The following SMCO2 variants were observed in gnomAD, a reference collection of about 807,000 sequenced individuals.
SMCO2 encodes the protein single-pass membrane and coiled-coil domain-containing protein 2.
In SMCO2, 25 loss-of-function variants were observed where a neutral mutation model predicts 29.5. That is an observed-to-expected ratio of 0.85 (90% CI 0.62 to 1.18). The LOEUF (loss-of-function observed/expected upper bound fraction) is 1.18, where lower values mean the gene tolerates loss of function less well. Ranked by LOEUF, SMCO2 falls within the 50% of genes most tolerant of loss-of-function variation. The pLI, the probability that SMCO2 is intolerant of heterozygous loss-of-function variation, is 0.00. For synonymous variants in SMCO2, 117 were observed against 123.3 expected (o/e 0.95, Z 0.34); for missense variants, 348 against 344.5 (o/e 1.01, Z -0.08).
chr12:27,485,736 G>A (rs763646041), intron 4 of SMCO2, among the ~76,000 whole-genome samples: 2 of 152,018 alleles, frequency 1.3e-5, no homozygotes, highest in East Asian at 3.8e-4. Flanking sequence ...TGTGAGCCAC[G>A]GCACTCAGCC....
chr12:27,472,409 C>T (rs1031701536), intron 2 of SMCO2, among the ~76,000 whole-genome samples: 10 of 152,108 alleles, frequency 6.6e-5, no homozygotes, highest in Non-Finnish European at 1.2e-4. Flanking sequence ...CTCCTCTCTG[C>T]CCATTTAAAC....
At chr12:27,467,216 T>A (rs1330455997) in intron 1 of SMCO2, among the ~76,000 whole-genome samples, 1 of 152,162 alleles carries the variant, frequency 6.6e-6, no homozygotes, top group Non-Finnish European at 1.5e-5. Context: ...TAACTGAAAC[T>A]GATGCTTCTC....
the SMCO2 span, among the ~76,000 whole-genome samples, chr12:27,447,593 T>C: frequency 1.3e-5 from 2 of 151,758 alleles, no homozygotes; most frequent in Admixed American, 6.6e-5. Context: ...CTTGTCTCTA[T>C]AAAAAATACA....
At chr12:27,454,561 T>C in the SMCO2 span, among the ~76,000 whole-genome samples, 1 of 152,220 alleles carries the variant, frequency 6.6e-6, no homozygotes, top group Non-Finnish European at 1.5e-5. Flanking sequence ...TTTTCTATAT[T>C]TTGGATTGGC....
intron 7 of SMCO2, among the ~76,000 whole-genome samples, chr12:27,501,531 C>T (rs1185582183): frequency 6.7e-6 from 1 of 149,952 alleles, no homozygotes; most frequent in Admixed American, 6.6e-5. Flanking sequence ...GCTCTGAATT[C>T]CCTTTATCAC....
chr12:27,500,870 G>GAGTT (rs1943067167), intron 7 of SMCO2, among the ~76,000 whole-genome samples: 1 of 150,690 alleles, frequency 6.6e-6, no homozygotes, highest in South Asian at 2.1e-4. Flanking sequence ...TAAAACCACT[G>GAGTT]AGTTAGGTCA....
At chr12:27,474,334 A>C (rs1949565836) in intron 3 of SMCO2, among the ~76,000 whole-genome samples, 1 of 152,204 alleles carries the variant, frequency 6.6e-6, no homozygotes, top group South Asian at 2.1e-4. Flanking sequence ...ATTGTCCCCC[A>C]AATGTCTTTT....
chr12:27,443,332 G>C, the SMCO2 span, among the ~76,000 whole-genome samples: 6 of 151,666 alleles, frequency 4.0e-5, no homozygotes, highest in East Asian at 1.9e-4. Flanking sequence ...TGATAAAAAG[G>C]CTCCTCAAAA....
chr12:27,464,838 G>A (rs930454134), upstream of SMCO2, among the ~76,000 whole-genome samples: 6 of 149,708 alleles, frequency 4.0e-5, no homozygotes, highest in Admixed American at 6.7e-5. Context: ...TGGCTAACAC[G>A]GTGAAACCCC....
Position 27,470,749 on chromosome 12 carries a change from GAA to G in SMCO2, c.119_120del (p.Glu40GlyfsTer22). ...CTTTTTCCAAAAGCTCAATGTGACT[GAA>G]GGTGCAATGCAGGAGTAAGTCAGAA... On this transcript the variant is annotated frameshift_variant, in exon 2 of 8. Transcript: ENST00000298876. LOFTEE classifies it high-confidence loss of function. The G allele has an allele frequency of 1.3e-6, 2 of 1,550,890 alleles. No individual in the cohort carries two copies. The highest frequency in any genetic ancestry group is 1.7e-6 in the Non-Finnish European group (2 of 1,146,584).
the SMCO2 span, among the ~76,000 whole-genome samples, chr12:27,434,831 G>A: frequency 3.3e-5 from 5 of 152,114 alleles, no homozygotes; most frequent in Admixed American, 2.6e-4. Context: ...AGAGATGGAA[G>A]GGGTGTCCCA....
intron 5 of SMCO2, among the ~76,000 whole-genome samples, chr12:27,488,939 C>A (rs1949711980): frequency 6.6e-6 from 1 of 152,118 alleles, no homozygotes; most frequent in African/African-American, 2.4e-5. Context: ...GTCTTGGATG[C>A]CCCATGAAGA....
At chr12:27,447,358 C>A in the SMCO2 span, among the ~76,000 whole-genome samples, 1 of 152,172 alleles carries the variant, frequency 6.6e-6, no homozygotes, top group Non-Finnish European at 1.5e-5. Flanking sequence ...GCTGTCACCA[C>A]CGACACACCT....
Position 27,479,046 on chromosome 12 carries a change from T to A in SMCO2, c.362+4133T>A, listed in dbSNP as rs866441380. ...GCAGTAGGGGTGGGTTGAACAGGACTGTTGTCAGGCCCCTTGATAGTGTAT... is the reference window on the plus strand; with the variant it reads ...GCAGTAGGGGTGGGTTGAACAGGACAGTTGTCAGGCCCCTTGATAGTGTAT... On this transcript the variant is annotated intron_variant, in intron 4 of 7. Transcript: ENST00000298876. Among the ~76,000 whole-genome samples the A allele has an allele frequency of 7.9e-5, 12 of 152,266 alleles. No homozygotes were observed. The South Asian group carries it at 1.4e-3, about 18-fold the overall frequency.
intron 1 of SMCO2, among the ~76,000 whole-genome samples, chr12:27,469,797 G>A (rs908561553): frequency 1.3e-5 from 2 of 151,868 alleles, no homozygotes; most frequent in South Asian, 2.1e-4. Flanking sequence ...TTTCCTTTCC[G>A]TTATTTTTCA....
chr12:27,443,338 C>CA, the SMCO2 span, among the ~76,000 whole-genome samples: 5,320 of 152,164 alleles, frequency 0.035, 118 homozygotes, highest in Non-Finnish European at 0.046. Context: ...AAAGGCTCCT[C>CA]AAAAATGGGT....
chr12:27,484,282 G>A (rs1279817303), intron 4 of SMCO2, among the ~76,000 whole-genome samples: 1 of 151,996 alleles, frequency 6.6e-6, no homozygotes. Context: ...GGGAGGTTGA[G>A]GCAGGAAGAT....
chr12:27,435,948 CA>C, the SMCO2 span, among the ~76,000 whole-genome samples: 1 of 152,200 alleles, frequency 6.6e-6, no homozygotes, highest in Non-Finnish European at 1.5e-5. Flanking sequence ...ATTGCTTAAA[CA>C]ACAAACATTT....
rs1435465377 is a variant in SMCO2, at chr12:27,488,463, A to AT, written c.368dup (p.Leu123PhefsTer12). On this transcript the variant is annotated frameshift_variant, in exon 5 of 8. Transcript: ENST00000298876. LOFTEE classifies it high-confidence loss of function. The stretch of plus-strand genomic sequence containing the variant: ...TAGTATCTTGGTCTGTTTGCAGCTT[A>AT]TTAAAAGACATGCTGACCCTGAAGG... 10 of 1,530,842 alleles carry AT rather than the reference A, an allele frequency of 6.5e-6. No individual in the cohort carries two copies. In the African/African-American group the frequency reaches 9.7e-5, roughly 15 times the overall value. The allele number at this position is 1,530,842 out of a possible 1,614,324, so 94.8% of individuals were successfully genotyped here.
Sources: gnomAD v4.1 joint callset for allele counts (sites outside exome capture counted in the v4.1 genomes callset) on GRCh38, gnomAD v4.1.1 for gene constraint, MANE v1.5 for transcripts, NCBI Gene and HGNC (gene_info 2026-07-23, HGNC 2026-07-21) for gene names.